The following ENTHD1 variants were observed in gnomAD, a reference collection of about 807,000 sequenced individuals.
ENTHD1 encodes ENTH domain-containing protein 1.
Under a neutral mutation model 39.1 loss-of-function variants are expected in ENTHD1, and 23 were observed. That is an observed-to-expected ratio of 0.59 (90% CI 0.42 to 0.83). The LOEUF is 0.83. ENTHD1 is among the 40% of genes least tolerant of loss of function. The pLI is 0.00. For missense variants in ENTHD1, 624 were observed against 705.4 expected (o/e 0.88, Z 1.31); for synonymous variants, 230 against 258.2 (o/e 0.89, Z 1.05).
chr22:39,835,451 G>GA (rs916625897), intron 4 of ENTHD1, among the ~76,000 whole-genome samples: 32 of 151,804 alleles, frequency 2.1e-4, no homozygotes, highest in Non-Finnish European at 4.4e-4. Flanking sequence ...ACACTTAGAA[G>GA]AAAAAATAAG....
intron 6 of ENTHD1, among the ~76,000 whole-genome samples, chr22:39,748,417 A>ATTTTC (rs1443532034): frequency 2.0e-5 from 3 of 150,616 alleles, no homozygotes; most frequent in African/African-American, 7.4e-5. Flanking sequence ...TATTAATATC[A>ATTTTC]TTTTCTTTTC....
intron 6 of ENTHD1, among the ~76,000 whole-genome samples, chr22:39,745,304 T>TA (rs1003931713): frequency 7.2e-5 from 11 of 151,780 alleles, no homozygotes; most frequent in Non-Finnish European, 8.8e-5. Flanking sequence ...ACTTACTACT[T>TA]AAAAAAAAAT....
intron 3 of ENTHD1, among the ~76,000 whole-genome samples, chr22:39,837,162 C>G (rs2065912925): frequency 6.6e-6 from 1 of 152,196 alleles, no homozygotes; most frequent in South Asian, 2.1e-4. Context: ...AGTACCAACT[C>G]TATCTCAGCA....
At chr22:39,816,674 A>G (rs1415301003) in intron 5 of ENTHD1, among the ~76,000 whole-genome samples, 1 of 152,208 alleles carries the variant, frequency 6.6e-6, no homozygotes, top group African/African-American at 2.4e-5. Flanking sequence ...CACATGGATT[A>G]CAGAATAATT....
rs145938730 is a variant in ENTHD1 at position 39,849,919 on chromosome 22, C to T, written c.592+11846G>A. Among the ~76,000 whole-genome samples, 398 of 152,236 alleles carry T rather than the reference C, an allele frequency of 2.6e-3. 2 individuals carry two copies. Among genetic ancestry groups the T allele is most frequent in the African/African-American group, 8.9e-3 (369 of 41,536 alleles). ...GCTAGGACCTCCACTACAAAGCTGACGTAGCAAGGAGAACTGATGTCCTTT... is the reference window on the plus strand; with the variant it reads ...GCTAGGACCTCCACTACAAAGCTGATGTAGCAAGGAGAACTGATGTCCTTT... On this transcript the variant is annotated intron_variant, in intron 3 of 6. Coordinates refer to ENST00000325157, the MANE Select transcript of ENTHD1 (RefSeq NM_152512.4).
At chr22:39,760,276 C>G (rs1409330567) in intron 6 of ENTHD1, among the ~76,000 whole-genome samples, 4 of 151,898 alleles carry the variant, frequency 2.6e-5, no homozygotes, top group Admixed American at 1.3e-4. Flanking sequence ...CCCTATAATT[C>G]TGTCAGTTTT....
At chr22:39,771,148 T>C (rs1158653386) in intron 5 of ENTHD1, among the ~76,000 whole-genome samples, 2 of 152,188 alleles carry the variant, frequency 1.3e-5, no homozygotes. Flanking sequence ...GTGTATTGTA[T>C]CATATTTTTG....
chr22:39,858,136 C>T (rs1438980913), intron 3 of ENTHD1, among the ~76,000 whole-genome samples: 1 of 152,216 alleles, frequency 6.6e-6, no homozygotes, highest in African/African-American at 2.4e-5. Context: ...CTCTCTAATC[C>T]TGCCACTGGT....
At chr22:39,793,310 C>G (rs960212802) in intron 5 of ENTHD1, among the ~76,000 whole-genome samples, 1 of 147,176 alleles carries the variant, frequency 6.8e-6, no homozygotes, top group African/African-American at 2.5e-5. Flanking sequence ...TAATCATGTC[C>G]CTTGCTCACT....
At chr22:39,876,304 C>T (rs191980321) in intron 2 of ENTHD1, among the ~76,000 whole-genome samples, 363 of 152,322 alleles carry the variant, frequency 2.4e-3, no homozygotes, top group Middle Eastern at 6.8e-3. Flanking sequence ...AATAAAGCCA[C>T]TGTTAAGCAC....
At chr22:39,772,275 A>T (rs2065332807) in intron 5 of ENTHD1, among the ~76,000 whole-genome samples, 1 of 152,174 alleles carries the variant, frequency 6.6e-6, no homozygotes, top group Non-Finnish European at 1.5e-5. Flanking sequence ...ATCTGACAGG[A>T]GGCGAAGCTC....
intron 6 of ENTHD1, among the ~76,000 whole-genome samples, chr22:39,749,374 A>T (rs2065131107): frequency 1.3e-5 from 2 of 152,380 alleles, no homozygotes; most frequent in Non-Finnish European, 2.9e-5. Context: ...GCTTGAAGAT[A>T]GCCCTGATGA....
Position 39,867,164 on chromosome 22 carries a change from A to G in ENTHD1, c.350-5157T>C, listed in dbSNP as rs550527831. Among the ~76,000 whole-genome samples the G allele has an allele frequency of 6.6e-6, 1 of 152,250 alleles. No individual in the cohort carries two copies. Among genetic ancestry groups the G allele is most frequent in the East Asian group, 1.9e-4 (1 of 5,188 alleles). On this transcript the variant is annotated intron_variant, in intron 2 of 6. Transcript: ENST00000325157. This position sits in a 1 kb window ranked among gnomAD's most constrained non-coding sequence, Gnocchi z 4.5. ...ACGATCCACCCACCTCAGCCTCCCA[A>G]AGTGCTGGGATTACAGGCGTGAGCC...
intron 5 of ENTHD1, among the ~76,000 whole-genome samples, chr22:39,767,107 A>G (rs1411382664): frequency 1.3e-5 from 2 of 152,142 alleles, no homozygotes. Flanking sequence ...GTGTCTCAGC[A>G]CCTAACAGTG....
intron 2 of ENTHD1, among the ~76,000 whole-genome samples, chr22:39,869,720 T>A (rs143749157): frequency 6.6e-6 from 1 of 151,688 alleles, no homozygotes; most frequent in Admixed American, 6.6e-5. Context: ...CTATGGAATC[T>A]ATATTCTATG....
chr22:39,769,573 T>C (rs1254572885), intron 5 of ENTHD1, among the ~76,000 whole-genome samples: 1 of 152,180 alleles, frequency 6.6e-6, no homozygotes, highest in Non-Finnish European at 1.5e-5. Flanking sequence ...CTAAGGGCTC[T>C]GGAGAAAGCT....
At chr22:39,879,394 C>T (rs1178615687) in intron 2 of ENTHD1, among the ~76,000 whole-genome samples, 5 of 133,900 alleles carry the variant, frequency 3.7e-5, no homozygotes, top group Admixed American at 1.8e-4. Context: ...ACCCAGGAGG[C>T]AGAGCTTGCG....
At chr22:39,854,019 G>A (rs2066065019) in intron 3 of ENTHD1, among the ~76,000 whole-genome samples, 1 of 152,162 alleles carries the variant, frequency 6.6e-6, no homozygotes, top group South Asian at 2.1e-4. Context: ...CACAAGGTGG[G>A]AACCATCCCT....
chr22:39,860,989 T>A (rs937153387), intron 3 of ENTHD1, among the ~76,000 whole-genome samples: 10 of 152,238 alleles, frequency 6.6e-5, no homozygotes, highest in Admixed American at 3.3e-4. Flanking sequence ...TGTCCTAGAA[T>A]AATTTTAGAG....
Sources: allele counts gnomAD v4.1 joint callset (sites outside exome capture counted in the v4.1 genomes callset), GRCh38; gene constraint gnomAD v4.1.1; non-coding constraint Gnocchi (gnomAD v3.1); transcripts MANE v1.5; gene names NCBI Gene and HGNC (gene_info 2026-07-23, HGNC 2026-07-21).